The following GCM1 variants were observed in gnomAD, a reference collection of about 807,000 sequenced individuals.
The protein encoded by GCM1 is GCM transcription factor 1.
In GCM1, 2 loss-of-function variants were observed where a neutral mutation model predicts 25.7. That is an observed-to-expected ratio of 0.08 (90% confidence interval 0.03 to 0.24). The LOEUF is 0.24. Among genes scored for constraint, GCM1 ranks in the 10% least tolerant of loss-of-function variants. The probability of loss-of-function intolerance (pLI) is 1.00; values close to 1 mark genes in which losing one functional copy is unlikely to be tolerated. For missense variants in GCM1, 395 were observed against 538.7 expected (o/e 0.73, Z 2.64); for synonymous variants, 183 against 195.7 (o/e 0.94, Z 0.54).
At chr6:53,143,617 A>C (rs1763910822) in intron 2 of GCM1, among the ~76,000 whole-genome samples, 2 of 152,164 alleles carry the variant, frequency 1.3e-5, no homozygotes, top group South Asian at 4.1e-4. Context: ...AGAGAAATTA[A>C]AGTTTACTTT....
chr6:53,129,328 G>A (rs976931485), intron 5 of GCM1, among the ~76,000 whole-genome samples: 6 of 149,760 alleles, frequency 4.0e-5, no homozygotes, highest in Admixed American at 2.0e-4. Flanking sequence ...AGGCTGGAGC[G>A]CAGTGGCACG....
At chr6:53,133,973 T>C (rs2127508685) in intron 3 of GCM1, 99 bp downstream of exon 3, 2 of 1,167,710 alleles carry the variant, frequency 1.7e-6, no homozygotes, top group Non-Finnish European at 1.2e-6. Context: ...TCCAGGGTGA[T>C]GGTTTTGCCC....
At chr6:53,140,677 C>A (rs2127509999) in intron 2 of GCM1, among the ~76,000 whole-genome samples, 1 of 152,206 alleles carries the variant, frequency 6.6e-6, no homozygotes, top group Non-Finnish European at 1.5e-5. Context: ...GCTATTGGCA[C>A]AACCTGAACT....
intron 3 of GCM1, among the ~76,000 whole-genome samples, chr6:53,132,704 T>C (rs563956627): frequency 6.6e-6 from 1 of 152,168 alleles, no homozygotes; most frequent in East Asian, 1.9e-4. Context: ...AGAGTGAAAG[T>C]CTGTCTCAAA....
chr6:53,142,252 C>T (rs4129429), intron 2 of GCM1, among the ~76,000 whole-genome samples: 8 of 151,958 alleles, frequency 5.3e-5, no homozygotes, highest in African/African-American at 1.9e-4. Context: ...TCATAACAAG[C>T]CATTGCATTT....
intron 2 of GCM1, among the ~76,000 whole-genome samples, chr6:53,136,945 C>G (rs933642090): frequency 6.6e-6 from 1 of 151,750 alleles, no homozygotes; most frequent in Admixed American, 6.6e-5. Flanking sequence ...CACTGCACTC[C>G]AGCCTGGGCG....
At chr6:53,143,253 T>C (rs959058565) in intron 2 of GCM1, among the ~76,000 whole-genome samples, 10 of 152,234 alleles carry the variant, frequency 6.6e-5, no homozygotes, top group Non-Finnish European at 1.5e-4. Context: ...TTTTTTGCTA[T>C]ACATTTCTCA....
chr6:53,127,536 T>C lies in GCM1; in HGVS notation c.*670A>G, dbSNP rs1171148945. On this transcript the variant is annotated 3_prime_UTR_variant, in exon 6 of 6. Transcript: ENST00000259803. ...GTCCTAGATAGGTTAGCATTTCACATGTCTACTCCATTTCATTTGCAACAA... is the reference window on the plus strand; with the variant it reads ...GTCCTAGATAGGTTAGCATTTCACACGTCTACTCCATTTCATTTGCAACAA... 4 of 152,196 alleles carry C rather than the reference T, an allele frequency of 2.6e-5. No individual in the cohort carries two copies. Among genetic ancestry groups the C allele is most frequent in the African/African-American group, 7.2e-5 (3 of 41,432 alleles). The allele number at this position is 152,196 out of a possible 1,614,324, so 9.4% of individuals were successfully genotyped here.
At chr6:53,145,812 A>T (rs112412851) in intron 1 of GCM1, 44 bp from the exon 2 acceptor site, 30 of 333,752 alleles carry the variant, frequency 9.0e-5, no homozygotes, top group East Asian at 4.7e-4. Context: ...AAAGAGATTT[A>T]AAAAAAAACC....
intron 3 of GCM1, among the ~76,000 whole-genome samples, chr6:53,132,398 T>C (rs190485698): frequency 4.6e-5 from 7 of 152,260 alleles, no homozygotes; most frequent in Admixed American, 4.6e-4. Context: ...AGAAAACCCC[T>C]CCCTACTTAT....
At chr6:53,129,010 A>T (rs1031150590) in intron 5 of GCM1, 64 bp from the exon 6 acceptor site, 19 of 1,294,526 alleles carry the variant, frequency 1.5e-5, no homozygotes, top group Admixed American at 3.8e-5. Flanking sequence ...TGCCATAGGC[A>T]CCCATGAGTT....
intron 5 of GCM1, among the ~76,000 whole-genome samples, chr6:53,130,082 G>C (rs1763702915): frequency 1.3e-5 from 2 of 152,078 alleles, no homozygotes; most frequent in Admixed American, 1.3e-4. Flanking sequence ...TTTGGGTTTG[G>C]GGGGCTTGCA....
At chr6:53,131,030 GGGTGGT>G (rs1763717958) in intron 4 of GCM1, 99 bp from the exon 5 acceptor site, 18 of 1,147,888 alleles carry the variant, frequency 1.6e-5, no homozygotes, top group Non-Finnish European at 2.2e-5. Context: ...CCTGCCCCGG[GGGTGGT>G]GTTGCAGTTG....
chr6:53,134,335 C>T lies in GCM1; in HGVS notation c.76-11G>A, dbSNP rs748651523. The T allele has an allele frequency of 3.1e-6, 5 of 1,609,234 alleles. No homozygotes were observed. The highest frequency in any genetic ancestry group is 3.4e-6 in the Non-Finnish European group (4 of 1,176,074). On this transcript the variant is annotated splice_polypyrimidine_tract_variant and intron_variant, in intron 2 of 5. Coordinates refer to ENST00000259803, the MANE Select transcript of GCM1 (RefSeq NM_003643.4). ...GGTTTTTTTCACGTTCTGATAGAAA[C>T]ACAAAAGATACGACTATACTTTAAG...
intron 1 of GCM1, among the ~76,000 whole-genome samples, chr6:53,146,368 T>TAATCCTGTAATCCCA (rs2127511542): frequency 6.6e-6 from 1 of 151,872 alleles, no homozygotes; most frequent in South Asian, 2.1e-4. Flanking sequence ...TACAGGCATG[T>TAATCCTGTAATCCCA]GCCACCACGC....
In GCM1 at chr6:53,139,494, T is replaced by C. The variant is rs1254297528; in HGVS notation, c.76-5170A>G. Reference sequence around the variant, plus strand: ...TAGGCAAGATAGTAAGACCCCCATCTCAAAAAAAAAAAAAAAAAAAAAGGG... The same window carrying C: ...TAGGCAAGATAGTAAGACCCCCATCCCAAAAAAAAAAAAAAAAAAAAAGGG... On this transcript the variant is annotated intron_variant, in intron 2 of 5. Coordinates refer to ENST00000259803, the MANE Select transcript of GCM1 (RefSeq NM_003643.4). Among the ~76,000 whole-genome samples the C allele has an allele frequency of 8.8e-4, 21 of 23,848 alleles. 1 individual carries two copies. Among genetic ancestry groups the C allele is most frequent in the African/African-American group, 2.3e-3 (19 of 8,168 alleles). The allele number at this position is 23,848 out of a possible 152,430, so 15.6% of individuals were successfully genotyped here. A position where few individuals can be genotyped will look rare whatever the true frequency, so the allele number is the denominator to read the frequency against.
Position 53,128,444 on chromosome 6 carries a change from T to A in GCM1, c.1073A>T (p.Asn358Ile), listed in dbSNP as rs1763676326. ...AKTGCPPLWP[N>I]PAGNLYEEKV... Reference sequence around the variant, plus strand: ...CTCTTCATAAAGATTACCCGCTGGATTTGGCCATAATGGGGGACAGCCAGT... The same window carrying A: ...CTCTTCATAAAGATTACCCGCTGGAATTGGCCATAATGGGGGACAGCCAGT... Residue 358 changes from asparagine (N) to isoleucine (I), a missense_variant, in exon 6 of 6, where the codon AAT becomes ATT. Coordinates refer to ENST00000259803, the MANE Select transcript of GCM1 (RefSeq NM_003643.4). The A allele has an allele frequency of 6.2e-7, 1 of 1,614,062 alleles. No homozygotes were observed. The highest frequency in any genetic ancestry group is 1.3e-5 in the African/African-American group (1 of 75,034).
rs544467772 is a variant in GCM1, at chr6:53,137,671, T to G, written c.76-3347A>C. ...AATTTGAGTGTACTTTCCTCTAATA[T>G]TGGACTGTAAAAAACTACTGGTGCA... On this transcript the variant is annotated intron_variant, in intron 2 of 5. Transcript: ENST00000259803. Among the ~76,000 whole-genome samples, 115 of 152,206 alleles carry G rather than the reference T, an allele frequency of 7.6e-4. 2 individuals are homozygous for G. Among genetic ancestry groups the G allele is most frequent in the Admixed American group, 3.5e-3 (53 of 15,284 alleles).
Position 53,128,542 on chromosome 6 carries a change from G to A in GCM1, c.975C>T (p.Cys325=), listed in dbSNP as rs780186014. The change falls in exon 6 of 6, where the codon TGC becomes TGT. Residue 325 remains cysteine, a synonymous_variant. Transcript: ENST00000259803. ...AAGAGTTTTGGGAAGGAGAGAAGCT[G>A]CAAGGCCAGCTGGTCAGAGGAAAAG... is the stretch of plus-strand genomic sequence containing the variant. The part of the protein sequence containing the change: ...NYPFPLTSWP[C]SFSPSQNSSE... 2 of 1,613,896 alleles carry A rather than the reference G, an allele frequency of 1.2e-6. No individual in the cohort carries two copies. Among genetic ancestry groups the A allele is most frequent in the Non-Finnish European group, 1.7e-6 (2 of 1,179,912 alleles).
Sources: allele counts gnomAD v4.1 joint callset (sites outside exome capture counted in the v4.1 genomes callset), GRCh38; gene constraint gnomAD v4.1.1; transcripts MANE v1.5; gene names NCBI Gene and HGNC (gene_info 2026-07-23, HGNC 2026-07-21).